Variants in CTNND2 observed in about 807,000 individuals in gnomAD.
The protein encoded by CTNND2 is catenin delta-2.
Under a neutral mutation model 144.4 loss-of-function variants are expected in CTNND2, and 22 were observed. The ratio of observed to expected loss-of-function variants is 0.15; its 90% CI spans 0.11 to 0.22. The LOEUF (loss-of-function observed/expected upper bound fraction) is 0.22. CTNND2 is among the 10% of genes least tolerant of loss of function. The pLI is 1.00. For synonymous variants in CTNND2, 751 were observed against 695.6 expected (o/e 1.08, Z -1.25); for missense variants, 1,353 against 1,618.8 (o/e 0.84, Z 2.82).
At chr5:11,530,483 G>A (rs1773654801) in intron 3 of CTNND2, among the ~76,000 whole-genome samples, 1 of 152,164 alleles carries the variant, frequency 6.6e-6, no homozygotes, top group African/African-American at 2.4e-5. Context: ...ATTTCCAGGA[G>A]GTAGAAGAGG....
chr5:11,382,537 GCA>G (rs1758595456), intron 7 of CTNND2, among the ~76,000 whole-genome samples: 1 of 151,600 alleles, frequency 6.6e-6, no homozygotes, highest in Non-Finnish European at 1.5e-5. Context: ...GATGGATGTT[GCA>G]GTGAGCCGAG....
chr5:11,783,915 T>C (rs1272427408), intron 1 of CTNND2, among the ~76,000 whole-genome samples: 1 of 152,228 alleles, frequency 6.6e-6, no homozygotes, highest in East Asian at 1.9e-4. Flanking sequence ...GATGGCACCC[T>C]GGGTGAGAGA....
intron 8 of CTNND2, among the ~76,000 whole-genome samples, chr5:11,356,070 T>C (rs1040439151): frequency 6.6e-6 from 1 of 151,944 alleles, no homozygotes; most frequent in Non-Finnish European, 1.5e-5. Flanking sequence ...TGAAAATACA[T>C]CTCATGCTCA....
chr5:10,991,874 T>TA (rs1561134331), intron 19 of CTNND2, among the ~76,000 whole-genome samples: 2 of 152,270 alleles, frequency 1.3e-5, no homozygotes, highest in African/African-American at 4.8e-5. Flanking sequence ...CTCAACTTTT[T>TA]ATCCCAATTA....
chr5:11,001,245 G>A, intron 18 of CTNND2, among the ~76,000 whole-genome samples: 1 of 152,154 alleles, frequency 6.6e-6, no homozygotes, highest in East Asian at 1.9e-4. Context: ...TCTGTATTAG[G>A]CAAACAGGAG....
chr5:11,080,288 C>G (rs576348508), intron 16 of CTNND2, among the ~76,000 whole-genome samples: 1 of 152,236 alleles, frequency 6.6e-6, no homozygotes, highest in South Asian at 2.1e-4. Flanking sequence ...CCTATCAGAA[C>G]AGTAATTATC....
chr5:11,464,340 T>C lies in CTNND2; in HGVS notation c.288-52271A>G, dbSNP rs192929894. Among the ~76,000 whole-genome samples the C allele has an allele frequency of 3.1e-3, 465 of 152,294 alleles. 4 individuals are homozygous for C. Among genetic ancestry groups the C allele is most frequent in the African/African-American group, 0.01 (432 of 41,546 alleles). On this transcript the variant is annotated intron_variant, in intron 3 of 21. Coordinates refer to ENST00000304623, the MANE Select transcript of CTNND2 (RefSeq NM_001332.4). ...CATAAAGTACTGTGAGGGGTTTCACTGAGAGGTACTAAGGCATGGTGATCA... is the reference window on the plus strand; with the variant it reads ...CATAAAGTACTGTGAGGGGTTTCACCGAGAGGTACTAAGGCATGGTGATCA...
At chr5:11,109,212 T>G (rs976509789) in intron 14 of CTNND2, among the ~76,000 whole-genome samples, 2 of 152,236 alleles carry the variant, frequency 1.3e-5, no homozygotes, top group Admixed American at 1.3e-4. Flanking sequence ...AAGTGATGCA[T>G]AGAGTGTCAA....
chr5:11,245,675 C>T (rs188586441), intron 9 of CTNND2, among the ~76,000 whole-genome samples: 24 of 152,232 alleles, frequency 1.6e-4, no homozygotes, highest in South Asian at 6.2e-4. Flanking sequence ...CAAAACTGTA[C>T]GAGAATAAAT....
intron 1 of CTNND2, among the ~76,000 whole-genome samples, chr5:11,756,116 A>G (rs190696089): frequency 5.9e-5 from 9 of 151,818 alleles, no homozygotes; most frequent in African/African-American, 2.2e-4. Flanking sequence ...TTATGCAAAA[A>G]CTTTGTGCCT....
intron 2 of CTNND2, among the ~76,000 whole-genome samples, chr5:11,625,395 C>CTCTT (rs1781101693): frequency 7.3e-6 from 1 of 136,748 alleles, no homozygotes; most frequent in Non-Finnish European, 1.5e-5. Flanking sequence ...AAAAATCTCT[C>CTCTT]TCTCTCTCTC....
At chr5:11,170,800 A>G (rs1468208244) in intron 11 of CTNND2, among the ~76,000 whole-genome samples, 2 of 152,236 alleles carry the variant, frequency 1.3e-5, no homozygotes, top group East Asian at 3.8e-4. Flanking sequence ...GGTAATTTAT[A>G]AAGAAACAGA....
intron 2 of CTNND2, among the ~76,000 whole-genome samples, chr5:11,633,538 G>A (rs1781517320): frequency 6.6e-6 from 1 of 152,140 alleles, no homozygotes; most frequent in African/African-American, 2.4e-5. Flanking sequence ...TGCACTTTGG[G>A]AGGCCAGAGT....
intron 1 of CTNND2, among the ~76,000 whole-genome samples, chr5:11,751,895 T>C (rs1168994551): frequency 6.6e-6 from 1 of 151,900 alleles, no homozygotes; most frequent in Non-Finnish European, 1.5e-5. Flanking sequence ...GACTTCTTAA[T>C]AACAGCCATT....
rs1308910058 is a variant in CTNND2 at position 11,129,175 on chromosome 5, AT to A, written c.2160-11609del. 2.4e-3 allele frequency among the ~76,000 whole-genome samples: 45 copies of A among 19,126 alleles called. 1 individual carries two copies. The highest frequency in any genetic ancestry group is 6.5e-3 in the African/African-American group (40 of 6,176). The allele number at this position is 19,126 out of a possible 152,430, so 12.5% of individuals were successfully genotyped here. On this transcript the variant is annotated intron_variant, in intron 12 of 21. Coordinates refer to ENST00000304623, the MANE Select transcript of CTNND2 (RefSeq NM_001332.4). ...AATATACATATATTATATATTATAT[AT>A]TTTATATATAATATATAATATATAT...
chr5:11,822,082 TTATTA>T (rs1793344151), intron 1 of CTNND2, among the ~76,000 whole-genome samples: 1 of 152,208 alleles, frequency 6.6e-6, no homozygotes, highest in South Asian at 2.1e-4. Flanking sequence ...TGGTTTATTT[TTATTA>T]TATTAGGTAA....
intron 10 of CTNND2, among the ~76,000 whole-genome samples, chr5:11,201,140 T>A (rs1342750195): frequency 6.6e-6 from 1 of 152,250 alleles, no homozygotes; most frequent in Non-Finnish European, 1.5e-5. Context: ...TGTTCTAACT[T>A]ATTTGTTATG....
intron 5 of CTNND2, among the ~76,000 whole-genome samples, chr5:11,405,578 TA>T (rs78929620): frequency 5.8e-4 from 84 of 144,678 alleles, no homozygotes; most frequent in East Asian, 8.0e-4. Context: ...AGGACTCCGT[TA>T]AAAAAAAAAA....
chr5:11,753,827 T>C (rs1256797397), intron 1 of CTNND2, among the ~76,000 whole-genome samples: 1 of 151,768 alleles, frequency 6.6e-6, no homozygotes, highest in Non-Finnish European at 1.5e-5. Flanking sequence ...GCAGTGTTTT[T>C]ATTACTGATT....
Sources: gnomAD v4.1 joint callset for allele counts (sites outside exome capture counted in the v4.1 genomes callset) on GRCh38, gnomAD v4.1.1 for gene constraint, MANE v1.5 for transcripts, NCBI Gene and HGNC (gene_info 2026-07-23, HGNC 2026-07-21) for gene names.